The following ATPAF2 variants were observed in gnomAD, a reference collection of about 807,000 sequenced individuals.
The protein encoded by ATPAF2 is ATP12 homolog.
In ATPAF2, 30 loss-of-function variants were observed where a neutral mutation model predicts 36.6. The observed-to-expected ratio is 0.82, with a 90% CI of 0.61 to 1.11. The LOEUF is 1.11. ATPAF2 is among the 50% of genes most tolerant of loss of function. The pLI is 0.00. For missense variants in ATPAF2, 321 were observed against 372.3 expected (o/e 0.86, Z 1.13); for synonymous variants, 140 against 152.6 (o/e 0.92, Z 0.61).
chr17:18,019,489 C>T (rs560070100), intron 7 of ATPAF2, among the ~76,000 whole-genome samples: 11 of 152,394 alleles, frequency 7.2e-5, no homozygotes, highest in African/African-American at 1.7e-4. Flanking sequence ...AGTAAGGCCA[C>T]GCAGTGGCTT....
chr17:18,016,586 G>A (rs368791219), downstream of ATPAF2: 25 of 1,613,576 alleles, frequency 1.5e-5, no homozygotes, highest in Admixed American at 6.7e-5. Context: ...ATGAGGAACC[G>A]CAAGCGCGTG....
At chr17:18,024,272 C>G (rs1040432626) in intron 5 of ATPAF2, among the ~76,000 whole-genome samples, 1 of 152,204 alleles carries the variant, frequency 6.6e-6, no homozygotes, top group Non-Finnish European at 1.5e-5. Context: ...CCAAGTCACA[C>G]AGCTGAGTCT....
chr17:18,024,853 C>T, intron 4 of ATPAF2, 149 bp from the exon 5 acceptor site: 1 of 707,668 alleles, frequency 1.4e-6, no homozygotes, highest in East Asian at 2.7e-5. Flanking sequence ...CAGTGGTTCT[C>T]AAAGTGTGGC....
chr17:18,038,697 G>C (rs544636997), intron 1 of ATPAF2, among the ~76,000 whole-genome samples, 184 bp downstream of exon 1: 1 of 152,220 alleles, frequency 6.6e-6, no homozygotes, highest in Non-Finnish European at 1.5e-5. Context: ...GTGACTCGCT[G>C]TTCCCTCTCG....
At position 18,034,229 on chromosome 17, in the gene ATPAF2, C is replaced by T. The variant is rs1426063211; in HGVS notation, c.133+4652G>A. Among the ~76,000 whole-genome samples, 3 of 151,386 alleles carry T rather than the reference C, an allele frequency of 2.0e-5. No individual in the cohort carries two copies. In the East Asian group the frequency reaches 5.9e-4, roughly 30 times the overall value. ...ACCAGCCTGGGCAACATAGCAAGAC[C>T]CTGTCTGTACAAAAAAATTTTAAAG... is the stretch of plus-strand genomic sequence containing the variant. On this transcript the variant is annotated intron_variant, in intron 1 of 7. Transcript: ENST00000474627.
At chr17:18,022,749 A>G (rs2044487566) in intron 5 of ATPAF2, among the ~76,000 whole-genome samples, 1 of 152,078 alleles carries the variant, frequency 6.6e-6, no homozygotes, top group African/African-American at 2.4e-5. Flanking sequence ...ATAACTAAAT[A>G]AAACAGAAAA....
intron 4 of ATPAF2, chr17:18,025,087 ATCTACTAACT>A: frequency 2.9e-6 from 1 of 345,700 alleles, no homozygotes; most frequent in Middle Eastern, 1.0e-3. Flanking sequence ...AGCAGATCCA[ATCTACTAACT>A]GCAACCCTGG....
chr17:18,016,671 G>C, downstream of ATPAF2: 1 of 1,599,380 alleles, frequency 6.3e-7, no homozygotes, highest in Non-Finnish European at 8.6e-7. Context: ...TCCTAGACTA[G>C]ATGAATGTCA....
chr17:18,031,130 G>A (rs1023105449), intron 1 of ATPAF2, among the ~76,000 whole-genome samples: 11 of 150,174 alleles, frequency 7.3e-5, no homozygotes, highest in African/African-American at 1.2e-4. Context: ...CTGCCACCAC[G>A]CCTGGCTAAT....
At chr17:18,015,955 G>A (rs1161586546), downstream of ATPAF2, 3 of 1,193,082 alleles carry the variant, frequency 2.5e-6, no homozygotes, top group Non-Finnish European at 2.4e-6. Flanking sequence ...TGCTCTGAGT[G>A]TGGCCTGCAC....
intron 1 of ATPAF2, among the ~76,000 whole-genome samples, chr17:18,037,722 GGT>G (rs1470484194): frequency 1.3e-5 from 2 of 152,226 alleles, no homozygotes; most frequent in Non-Finnish European, 2.9e-5. Context: ...AGACCTCAGA[GGT>G]TCAGCCAGCA....
chr17:18,016,644 C>T (rs2044375419), downstream of ATPAF2: 1 of 1,613,344 alleles, frequency 6.2e-7, no homozygotes, highest in Non-Finnish European at 8.5e-7. Flanking sequence ...AACTGGACAA[C>T]CTGGAATGTG....
At chr17:18,016,209 A>C (rs2044358163), downstream of ATPAF2, 2 of 1,611,862 alleles carry the variant, frequency 1.2e-6, no homozygotes, top group East Asian at 2.2e-5. Flanking sequence ...AGTCAATCCC[A>C]AGCCATCCTA....
chr17:18,036,693 C>G (rs2044708403), intron 1 of ATPAF2, among the ~76,000 whole-genome samples: 1 of 152,060 alleles, frequency 6.6e-6, no homozygotes, highest in Non-Finnish European at 1.5e-5. Context: ...AAGAGCCTAA[C>G]TAGTAAGTTT....
intron 1 of ATPAF2, among the ~76,000 whole-genome samples, chr17:18,033,765 CTT>C (rs1273381987): frequency 3.3e-5 from 5 of 152,120 alleles, no homozygotes; most frequent in Admixed American, 6.5e-5. Context: ...CTAACCAACT[CTT>C]TTCAGGTATC....
intron 7 of ATPAF2, among the ~76,000 whole-genome samples, chr17:18,019,100 G>A (rs1049985300): frequency 2.0e-5 from 3 of 150,174 alleles, no homozygotes; most frequent in African/African-American, 7.4e-5. Flanking sequence ...AGATCACACC[G>A]CTGCACTCCC....
intron 1 of ATPAF2, among the ~76,000 whole-genome samples, chr17:18,031,290 T>C (rs1385325222): frequency 1.3e-5 from 2 of 151,976 alleles, no homozygotes; most frequent in African/African-American, 4.8e-5. Context: ...CAAATATTTT[T>C]ATGTTTTCCC....
chr17:18,024,644 G>T lies in ATPAF2; in HGVS notation c.483C>A (p.Ile161=), dbSNP rs1597669174. The T allele has an allele frequency of 1.2e-6, 2 of 1,613,888 alleles. No homozygotes were observed. Among genetic ancestry groups the T allele is most frequent in the South Asian group, 1.1e-5 (1 of 91,068 alleles). Residue 161 remains isoleucine, a synonymous_variant, in exon 5 of 8, where the codon ATC becomes ATA. Coordinates refer to ENST00000474627, the MANE Select transcript of ATPAF2 (RefSeq NM_145691.4). The stretch of plus-strand genomic sequence containing the variant: ...CTTACCTTTTCTCAGCCCATTCGAT[G>T]ATTGGATCCCACTCATTCCTTTGAA... ...VELQRNEWDP[I]IEWAEKRYGV...
chr17:18,024,660 T>C lies in ATPAF2; in HGVS notation c.467A>G (p.Asn156Ser). ...EPETLVELQRNEWDPIIEWAE... is the reference protein window; with the variant it reads ...EPETLVELQRSEWDPIIEWAE... ...CCATTCGATGATTGGATCCCACTCATTCCTTTGAAGTTCCACTAATGTCTC... is the reference window on the plus strand; with the variant it reads ...CCATTCGATGATTGGATCCCACTCACTCCTTTGAAGTTCCACTAATGTCTC... The change falls in exon 5 of 8, where the codon AAT becomes AGT. Residue 156 changes from asparagine (N) to serine (S), a missense_variant. This residue lies in a region of ATPAF2 where 199 missense variants were observed against 220.6 expected (regional missense o/e 0.90). Transcript: ENST00000474627. 6.2e-7 allele frequency: 1 copy of C among 1,614,156 alleles called. No homozygotes were observed. The highest frequency in any genetic ancestry group is 8.5e-7 in the Non-Finnish European group (1 of 1,179,992).
Sources: allele counts gnomAD v4.1 joint callset (sites outside exome capture counted in the v4.1 genomes callset), GRCh38; gene constraint gnomAD v4.1.1; regional missense constraint gnomAD v4.1.1; transcripts MANE v1.5; gene names NCBI Gene and HGNC (gene_info 2026-07-23, HGNC 2026-07-21).